CSGALNACT1: variants seen among roughly 807,000 people sequenced by gnomAD.
The protein encoded by CSGALNACT1 is beta4GalNAcT-1.
In CSGALNACT1, 52 loss-of-function variants were observed where a neutral mutation model predicts 51.0. The observed-to-expected ratio is 1.02, with a 90% confidence interval of 0.82 to 1.29. CSGALNACT1 has a LOEUF of 1.29. Among genes scored for constraint, CSGALNACT1 ranks in the 50% most tolerant of loss-of-function variants. The pLI, the probability that CSGALNACT1 is intolerant of heterozygous loss-of-function variation, is 0.00. For synonymous variants in CSGALNACT1, 341 were observed against 254.4 expected (o/e 1.34, Z -3.24); for missense variants, 935 against 679.2 (o/e 1.38, Z -4.19).
At chr8:19,550,025 C>T (rs1214347303) in intron 3 of CSGALNACT1, among the ~76,000 whole-genome samples, 4 of 152,024 alleles carry the variant, frequency 2.6e-5, no homozygotes, top group Admixed American at 2.6e-4. Context: ...CTTTTTTCTT[C>T]CATTCATTGT....
chr8:19,752,249 C>T (rs35671259), intron 1 of CSGALNACT1, among the ~76,000 whole-genome samples: 46,107 of 149,920 alleles, frequency 0.31, 7,165 homozygotes, highest in South Asian at 0.38. Flanking sequence ...ATAACCTTTC[C>T]TATGCTCCAG....
intron 8 of CSGALNACT1, among the ~76,000 whole-genome samples, chr8:19,408,949 A>AAC (rs5889870): frequency 0.2 from 28,754 of 142,180 alleles, 2,974 homozygotes; most frequent in South Asian, 0.37. Flanking sequence ...TAGATATGAA[A>AAC]ACACACACAC....
At chr8:19,550,265 T>C (rs2087649164) in intron 3 of CSGALNACT1, among the ~76,000 whole-genome samples, 1 of 152,196 alleles carries the variant, frequency 6.6e-6, no homozygotes, top group Non-Finnish European at 1.5e-5. Flanking sequence ...GGACAACAGA[T>C]GTACAGCACT....
At chr8:19,634,077 T>C (rs1318559694) in intron 1 of CSGALNACT1, among the ~76,000 whole-genome samples, 1 of 152,198 alleles carries the variant, frequency 6.6e-6, no homozygotes, top group Non-Finnish European at 1.5e-5. Flanking sequence ...GTTTAATTTT[T>C]CATAAACACA....
At chr8:19,618,128 C>T (rs983436099) in intron 1 of CSGALNACT1, among the ~76,000 whole-genome samples, 1 of 152,008 alleles carries the variant, frequency 6.6e-6, no homozygotes, top group Non-Finnish European at 1.5e-5. Context: ...GTCCTTCTGC[C>T]TCACCCCCCC....
At chr8:19,503,255 T>C (rs939384953) in intron 4 of CSGALNACT1, among the ~76,000 whole-genome samples, 3 of 152,196 alleles carry the variant, frequency 2.0e-5, no homozygotes, top group Non-Finnish European at 2.9e-5. Flanking sequence ...TGTCTGCCTT[T>C]AAAAAGCTGT....
chr8:19,699,489 C>T, intron 1 of CSGALNACT1, among the ~76,000 whole-genome samples: 1 of 152,206 alleles, frequency 6.6e-6, no homozygotes, highest in Non-Finnish European at 1.5e-5. Flanking sequence ...CAAGCTATAA[C>T]ACAAGTGAAC....
intron 1 of CSGALNACT1, among the ~76,000 whole-genome samples, chr8:19,622,860 G>C (rs1041997158): frequency 6.6e-6 from 1 of 152,158 alleles, no homozygotes; most frequent in African/African-American, 2.4e-5. Flanking sequence ...TAAGATGGTA[G>C]ATTGAAAGCT....
At chr8:19,574,255 A>C (rs1475572360) in intron 3 of CSGALNACT1, among the ~76,000 whole-genome samples, 1 of 152,144 alleles carries the variant, frequency 6.6e-6, no homozygotes, top group Non-Finnish European at 1.5e-5. Flanking sequence ...GAGCTGCTCT[A>C]CTGGGGACTT....
chr8:19,617,951 T>C (rs975182814), intron 1 of CSGALNACT1, among the ~76,000 whole-genome samples: 1 of 152,050 alleles, frequency 6.6e-6, no homozygotes, highest in Non-Finnish European at 1.5e-5. Flanking sequence ...GTGATCATAG[T>C]TCACTGCACC....
At chr8:19,571,525 C>G (rs1479786459) in intron 3 of CSGALNACT1, among the ~76,000 whole-genome samples, 3 of 150,696 alleles carry the variant, frequency 2.0e-5, no homozygotes, top group Non-Finnish European at 4.4e-5. Context: ...GCCACTCTTT[C>G]TCCCCAACTA....
chr8:19,582,801 T>G (rs529528654), intron 3 of CSGALNACT1, among the ~76,000 whole-genome samples: 2 of 152,186 alleles, frequency 1.3e-5, no homozygotes, highest in African/African-American at 4.8e-5. Context: ...CCCCTGTGTA[T>G]GTATATAAGC....
chr8:19,584,537 T>C (rs1310606162), intron 3 of CSGALNACT1, among the ~76,000 whole-genome samples: 1 of 152,222 alleles, frequency 6.6e-6, no homozygotes, highest in East Asian at 1.9e-4. Context: ...CAGGATACTG[T>C]TTATGCCATT....
At chr8:19,417,994 C>A (rs1004791216) in intron 8 of CSGALNACT1, among the ~76,000 whole-genome samples, 1 of 152,182 alleles carries the variant, frequency 6.6e-6, no homozygotes, top group African/African-American at 2.4e-5. Context: ...CCTACAGGGA[C>A]CCTTGGGGGC....
At chr8:19,685,518 A>AC (rs2060922777), upstream of CSGALNACT1, among the ~76,000 whole-genome samples, 1 of 152,216 alleles carries the variant, frequency 6.6e-6, no homozygotes, top group Non-Finnish European at 1.5e-5. Context: ...AAATAAAACA[A>AC]GAAAAAAATT....
At chr8:19,717,403 G>C (rs1429644036) in intron 1 of CSGALNACT1, among the ~76,000 whole-genome samples, 1 of 152,112 alleles carries the variant, frequency 6.6e-6, no homozygotes, top group African/African-American at 2.4e-5. Flanking sequence ...ACATAACATA[G>C]CCACACCAAA....
upstream of CSGALNACT1, among the ~76,000 whole-genome samples, chr8:19,685,732 A>G (rs2060936499): frequency 6.6e-6 from 1 of 152,204 alleles, no homozygotes; most frequent in South Asian, 2.1e-4. Context: ...CTTCTAGGCC[A>G]TCATTCATAT....
intron 1 of CSGALNACT1, among the ~76,000 whole-genome samples, chr8:19,733,615 T>G (rs1449897641): frequency 3.3e-5 from 5 of 152,044 alleles, no homozygotes; most frequent in Admixed American, 3.3e-4. Context: ...CAATGCACAA[T>G]GCACTCTGTG....
In CSGALNACT1 at chr8:19,418,649, T is replaced by A. The variant is rs1356185877; in HGVS notation, c.1227+7A>T. The A allele has an allele frequency of 1.9e-6, 3 of 1,591,142 alleles. No individual in the cohort carries two copies. The Admixed American group carries it at 5.0e-5, about 27-fold the overall frequency. On this transcript the variant is annotated splice_region_variant and intron_variant, in intron 8 of 9. Transcript: ENST00000454498. Reference sequence around the variant, plus strand: ...CACACAGAGCCATCTGCAGGGTAATTACTCACCAGCTGCTGTTCCAAGGGA... The same window carrying A: ...CACACAGAGCCATCTGCAGGGTAATAACTCACCAGCTGCTGTTCCAAGGGA...
Sources: allele counts gnomAD v4.1 joint callset (sites outside exome capture counted in the v4.1 genomes callset), GRCh38; gene constraint gnomAD v4.1.1; transcripts MANE v1.5; gene names NCBI Gene and HGNC (gene_info 2026-07-23, HGNC 2026-07-21).